NAALADL2: variants seen among roughly 807,000 people sequenced by gnomAD.
The protein encoded by NAALADL2 is inactive N-acetylated-alpha-linked acidic dipeptidase-like protein 2.
NAALADL2 carries 76 observed loss-of-function variants against 87.2 expected under a neutral mutation model. The ratio of observed to expected loss-of-function variants is 0.87; its 90% confidence interval spans 0.72 to 1.05. NAALADL2 has a LOEUF of 1.05. Among genes scored for constraint, NAALADL2 ranks in the 50% least tolerant of loss-of-function variants. The pLI is 0.00. For missense variants in NAALADL2, 1,089 were observed against 945.8 expected, an observed-to-expected ratio of 1.15 and a Z score of -1.99; for synonymous variants, 354 against 331.0, an observed-to-expected ratio of 1.07 and a Z score of -0.75.
At chr3:174,967,455 G>C (rs931096466) in intron 1 of NAALADL2, among the ~76,000 whole-genome samples, 3 of 151,494 alleles carry the variant, frequency 2.0e-5, no homozygotes, top group South Asian at 2.1e-4. Flanking sequence ...ATTTGACTTT[G>C]TTGCTCCTGT....
chr3:174,467,765 A>G (rs991773164), intron 1 of NAALADL2, among the ~76,000 whole-genome samples: 3 of 152,128 alleles, frequency 2.0e-5, no homozygotes, highest in East Asian at 1.9e-4. Context: ...TGAAAAAAGC[A>G]AACTGCAAAA....
chr3:175,718,707 C>T lies in NAALADL2; in HGVS notation c.1897-18599C>T, dbSNP rs185600043. ...GTATTTTTATAGAGATGGAAGATCA[C>T]TTGAGGCGTGGAGATCAAGACCAAC... On this transcript the variant is annotated intron_variant, in intron 11 of 13. Coordinates refer to ENST00000454872, the MANE Select transcript of NAALADL2 (RefSeq NM_207015.3). The T allele has an allele frequency of 1.3e-4, 198 of 1,468,322 alleles. No homozygotes were observed. In the African/African-American group the frequency reaches 2.5e-3, roughly 19 times the overall value. The allele number at this position is 1,468,322 out of a possible 1,614,324, so 91.0% of individuals were successfully genotyped here.
chr3:174,818,019 G>A (rs1243547959), intron 3 of NAALADL2, among the ~76,000 whole-genome samples: 1 of 151,974 alleles, frequency 6.6e-6, no homozygotes, highest in Non-Finnish European at 1.5e-5. Context: ...CAACCCGCTG[G>A]GCTTTCTTCA....
At chr3:175,197,586 A>T (rs868579534) in intron 2 of NAALADL2, among the ~76,000 whole-genome samples, 41 of 151,730 alleles carry the variant, frequency 2.7e-4, no homozygotes, top group African/African-American at 9.4e-4. Context: ...CACAAGGAAG[A>T]GAACTGATTT....
At chr3:174,971,449 A>G (rs529558000) in intron 1 of NAALADL2, among the ~76,000 whole-genome samples, 1 of 152,318 alleles carries the variant, frequency 6.6e-6, no homozygotes, top group East Asian at 1.9e-4. Flanking sequence ...ACATTCCCAG[A>G]AAGGCCTTTC....
At chr3:174,541,504 T>C (rs927814939) in intron 1 of NAALADL2, among the ~76,000 whole-genome samples, 4 of 152,174 alleles carry the variant, frequency 2.6e-5, no homozygotes, top group African/African-American at 4.8e-5. Flanking sequence ...GTAACACATA[T>C]TGAATAAATT....
At chr3:175,618,616 G>A (rs1486170315) in intron 10 of NAALADL2, among the ~76,000 whole-genome samples, 2 of 152,084 alleles carry the variant, frequency 1.3e-5, no homozygotes, top group African/African-American at 4.8e-5. Context: ...GGAAAGAGAG[G>A]GGAGAAAGGC....
intron 1 of NAALADL2, among the ~76,000 whole-genome samples, chr3:174,464,473 T>C (rs1335308362): frequency 6.6e-6 from 1 of 151,976 alleles, no homozygotes; most frequent in Non-Finnish European, 1.5e-5. Flanking sequence ...TTAAACTATT[T>C]ACATTTACCT....
chr3:174,757,606 C>A (rs9845777), intron 3 of NAALADL2, among the ~76,000 whole-genome samples: 16,440 of 152,020 alleles, frequency 0.11, 1,002 homozygotes, highest in Middle Eastern at 0.16. Context: ...ATTCTCCTGC[C>A]TCAGCCTACC....
chr3:174,951,690 A>G (rs993433975), intron 1 of NAALADL2, among the ~76,000 whole-genome samples: 4 of 152,096 alleles, frequency 2.6e-5, no homozygotes, highest in Admixed American at 2.6e-4. Context: ...AAATGTTGTA[A>G]TCAATATAAC....
intron 3 of NAALADL2, among the ~76,000 whole-genome samples, chr3:174,840,770 A>C (rs566660740): frequency 1.3e-5 from 2 of 152,088 alleles, no homozygotes; most frequent in African/African-American, 4.8e-5. Flanking sequence ...TCATTTTGTA[A>C]ATCTGGCCAC....
chr3:175,540,548 T>A (rs944027731), intron 9 of NAALADL2, among the ~76,000 whole-genome samples: 1 of 152,062 alleles, frequency 6.6e-6, no homozygotes, highest in South Asian at 2.1e-4. Flanking sequence ...TATTTTTTTT[T>A]AAAGGTCATT....
At chr3:174,559,480 C>T (rs899088599) in intron 2 of NAALADL2, among the ~76,000 whole-genome samples, 5 of 152,166 alleles carry the variant, frequency 3.3e-5, no homozygotes, top group Non-Finnish European at 7.3e-5. Context: ...AATCAGAAGT[C>T]AGCATGGCAG....
intron 10 of NAALADL2, among the ~76,000 whole-genome samples, chr3:175,592,306 TC>T (rs1301450766): frequency 6.2e-3 from 102 of 16,456 alleles, no homozygotes; most frequent in African/African-American, 9.2e-3. Context: ...CTTTTTCTTT[TC>T]TTTTTTTTTT....
chr3:174,763,448 G>T (rs1046036100), intron 3 of NAALADL2, among the ~76,000 whole-genome samples: 24 of 151,562 alleles, frequency 1.6e-4, no homozygotes, highest in African/African-American at 5.8e-4. Flanking sequence ...TTAGCTGGGC[G>T]TGGTGGTGCA....
At chr3:174,595,871 G>A (rs1358463268) in intron 2 of NAALADL2, among the ~76,000 whole-genome samples, 2 of 152,142 alleles carry the variant, frequency 1.3e-5, no homozygotes, top group Non-Finnish European at 2.9e-5. Context: ...AATTAGCTGG[G>A]TGTGGTGGCG....
At chr3:174,519,028 G>A (rs940278445) in intron 1 of NAALADL2, among the ~76,000 whole-genome samples, 1 of 152,090 alleles carries the variant, frequency 6.6e-6, no homozygotes, top group Non-Finnish European at 1.5e-5. Flanking sequence ...GTATCTCTCT[G>A]TATTTCTTTA....
intron 1 of NAALADL2, among the ~76,000 whole-genome samples, chr3:175,028,071 T>C (rs1413857350): frequency 6.6e-6 from 1 of 151,970 alleles, no homozygotes; most frequent in Non-Finnish European, 1.5e-5. Context: ...CTGCTCCACA[T>C]CAGCAAGGAG....
Position 175,134,170 on chromosome 3 carries a change from C to A in NAALADL2, c.545+36879C>A, listed in dbSNP as rs373776659. Among the ~76,000 whole-genome samples the A allele has an allele frequency of 5.9e-5, 9 of 152,300 alleles. No individual in the cohort carries two copies. In the South Asian group the frequency reaches 1.9e-3, roughly 32 times the overall value. On this transcript the variant is annotated intron_variant, in intron 2 of 13. Transcript: ENST00000454872. ...TGCTTCTTTTATTCTGGTTTGGTTTCTTCTCATTGTGTCTTGTAATATGTG... is the reference window on the plus strand; with the variant it reads ...TGCTTCTTTTATTCTGGTTTGGTTTATTCTCATTGTGTCTTGTAATATGTG...
Sources: allele counts gnomAD v4.1 joint callset (sites outside exome capture counted in the v4.1 genomes callset), GRCh38; gene constraint gnomAD v4.1.1; transcripts MANE v1.5; gene names NCBI Gene and HGNC (gene_info 2026-07-23, HGNC 2026-07-21).